Variants in PMM2 observed in about 807,000 individuals in gnomAD.
PMM2 encodes mannose-6-phosphate isomerase.
In PMM2, 35 loss-of-function variants were observed where a neutral mutation model predicts 33.2. The observed-to-expected ratio is 1.06, with a 90% CI of 0.81 to 1.40. PMM2 has a LOEUF of 1.40. PMM2 is among the 40% of genes most tolerant of loss of function. The pLI is 0.00. For missense variants in PMM2, 386 were observed against 306.0 expected, an observed-to-expected ratio of 1.26 and a Z score of -1.95; for synonymous variants, 153 against 114.7, an observed-to-expected ratio of 1.33 and a Z score of -2.13.
chr16:8,814,924 C>T (rs975582396), intron 7 of PMM2, among the ~76,000 whole-genome samples: 1 of 152,166 alleles, frequency 6.6e-6, no homozygotes, highest in African/African-American at 2.4e-5. Flanking sequence ...TCCAACAGAT[C>T]TGTAGAACTT....
intron 7 of PMM2, among the ~76,000 whole-genome samples, chr16:8,835,607 G>C (rs1266298734): frequency 6.6e-6 from 1 of 152,070 alleles, no homozygotes; most frequent in Non-Finnish European, 1.5e-5. Flanking sequence ...AAAACAATTT[G>C]GTTGATAACG....
chr16:8,814,778 G>A (rs1044983180), intron 7 of PMM2, among the ~76,000 whole-genome samples: 4 of 152,178 alleles, frequency 2.6e-5, no homozygotes, highest in African/African-American at 9.7e-5. Context: ...TTTAATCATT[G>A]TGCCTCTTTG....
chr16:8,837,306 G>GT (rs2060856330), intron 7 of PMM2, among the ~76,000 whole-genome samples: 1 of 151,948 alleles, frequency 6.6e-6, no homozygotes, highest in East Asian at 1.9e-4. Context: ...TGAAAGTGCC[G>GT]TTTTCTGGCT....
intron 2 of PMM2, 80 bp downstream of exon 2, chr16:8,801,990 C>A: frequency 1.0e-6 from 1 of 1,001,838 alleles, no homozygotes; most frequent in Non-Finnish European, 1.5e-6. Flanking sequence ...CATAGGCTGC[C>A]CTAAAACCTT....
intron 7 of PMM2, among the ~76,000 whole-genome samples, chr16:8,831,204 C>T (rs1285177088): frequency 6.6e-6 from 1 of 152,224 alleles, no homozygotes; most frequent in Non-Finnish European, 1.5e-5. Context: ...AGCCTGTGCC[C>T]TGGAATGAAC....
rs2060792759 is a variant in PMM2, at chr16:8,828,760, G to T, written c.639+15654G>T. Among the ~76,000 whole-genome samples, 3 of 152,216 alleles carry T rather than the reference G, an allele frequency of 2.0e-5. 1 individual carries two copies. In the South Asian group the frequency reaches 6.2e-4, roughly 31 times the overall value. On this transcript the variant is annotated intron_variant, in intron 7 of 7. Coordinates refer to ENST00000268261, the MANE Select transcript of PMM2 (RefSeq NM_000303.3). ...GGGTCCTATGTCCACATCCTATTCT[G>T]TGGTCCTGCTCTCCATGACAGAGGA...
At chr16:8,830,093 A>T (rs907231475) in intron 7 of PMM2, among the ~76,000 whole-genome samples, 17 of 152,308 alleles carry the variant, frequency 1.1e-4, no homozygotes, top group Non-Finnish European at 1.9e-4. Context: ...TGTTTATTGC[A>T]GTTAAATCCA....
rs746406131 is a variant in PMM2, at chr16:8,811,678, A to C, written c.488A>C (p.Lys163Thr). Reference sequence around the variant, plus strand: ...CAAAAGTTTGTAGCAGATCTACGGAAAGAGTTTGCTGGAAAAGGCCTCACG... The same window carrying C: ...CAAAAGTTTGTAGCAGATCTACGGACAGAGTTTGCTGGAAAAGGCCTCACG... ...IRQKFVADLR[K>T]EFAGKGLTFS... The change falls in exon 6 of 8, where the codon AAA becomes ACA. Residue 163 changes from lysine to threonine, a missense_variant. Transcript: ENST00000268261. 2.7e-5 allele frequency: 44 copies of C among 1,613,506 alleles called. No individual in the cohort carries two copies. Among genetic ancestry groups the C allele is most frequent in the Non-Finnish European group, 3.7e-5 (44 of 1,179,408 alleles).
At chr16:8,828,258 C>G (rs955766130) in intron 7 of PMM2, among the ~76,000 whole-genome samples, 5 of 151,406 alleles carry the variant, frequency 3.3e-5, no homozygotes, top group African/African-American at 4.9e-5. Flanking sequence ...TCTCCCCAAA[C>G]GTAGTTTAGA....
chr16:8,838,965 T>TA (rs1402062877), intron 7 of PMM2, among the ~76,000 whole-genome samples: 1 of 152,008 alleles, frequency 6.6e-6, no homozygotes, highest in East Asian at 1.9e-4. Flanking sequence ...CAACTGCAGC[T>TA]AAAGAGTCAA....
At chr16:8,799,639 C>G (rs1201387771) in intron 1 of PMM2, among the ~76,000 whole-genome samples, 1 of 152,100 alleles carries the variant, frequency 6.6e-6, no homozygotes, top group African/African-American at 2.4e-5. Context: ...CCTCCACCTC[C>G]CAGGTTCAAG....
chr16:8,802,397 C>A, intron 2 of PMM2: 1 of 415,062 alleles, frequency 2.4e-6, no homozygotes, highest in Non-Finnish European at 4.7e-6. Flanking sequence ...TCAGTGAGTA[C>A]CTCTGAGAGA....
intron 1 of PMM2, among the ~76,000 whole-genome samples, chr16:8,799,155 C>G (rs1018001398): frequency 6.6e-6 from 1 of 152,162 alleles, no homozygotes; most frequent in African/African-American, 2.4e-5. Context: ...GCAAAACCAG[C>G]CATAAACCCT....
At chr16:8,804,538 G>C (rs1021052408) in intron 2 of PMM2, among the ~76,000 whole-genome samples, 2 of 151,968 alleles carry the variant, frequency 1.3e-5, no homozygotes, top group Non-Finnish European at 2.9e-5. Context: ...CTGTCACCAA[G>C]TCCCTAATCT....
At position 8,813,090 on chromosome 16, in the gene PMM2, G is replaced by A. The variant is rs398123309; in HGVS notation, c.623G>A (p.Gly208Glu). 1.9e-6 allele frequency: 3 copies of A among 1,597,678 alleles called. No individual in the cohort carries two copies. Among genetic ancestry groups the A allele is most frequent in the Non-Finnish European group, 2.6e-6 (3 of 1,164,982 alleles). ...GGTTATAAGACCATTTATTTCTTTG[G>A]AGACAAAACTATGCCAGTAAGTAGA... The part of the protein sequence containing the change: ...NDGYKTIYFF[G>E]DKTMPGGNDH... The change falls in exon 7 of 8, where the codon GGA becomes GAA. Residue 208 changes from glycine to glutamate, a missense_variant. By Grantham distance (98) the Gly-to-Glu change is moderately conservative. Transcript: ENST00000268261.
chr16:8,829,929 A>G (rs956433412), intron 7 of PMM2, among the ~76,000 whole-genome samples: 4 of 152,218 alleles, frequency 2.6e-5, no homozygotes, highest in South Asian at 2.1e-4. Flanking sequence ...TCTCTGTACA[A>G]TTAGGGCAGA....
intron 7 of PMM2, among the ~76,000 whole-genome samples, chr16:8,839,365 G>C (rs1243062473): frequency 6.6e-6 from 1 of 152,004 alleles, no homozygotes; most frequent in Non-Finnish European, 1.5e-5. Context: ...TGCAAGGGGT[G>C]TCTTGTACCT....
At position 8,845,910 on chromosome 16, in the gene PMM2, C is replaced by T. The variant is rs193046459; in HGVS notation, c.640-1814C>T. ...GGCAGGAGGTTCGCTCGAGCCCAGCCTGGGCAACATAGCAAGACCCTATGT... is the reference window on the plus strand; with the variant it reads ...GGCAGGAGGTTCGCTCGAGCCCAGCTTGGGCAACATAGCAAGACCCTATGT... On this transcript the variant is annotated intron_variant, in intron 7 of 7. Transcript: ENST00000268261. 4.6e-3 allele frequency among the ~76,000 whole-genome samples: 702 copies of T among 152,036 alleles called. 4 individuals carry two copies. The highest frequency in any genetic ancestry group is 8.1e-3 in the Non-Finnish European group (552 of 68,002).
At chr16:8,813,995 T>C (rs1384672960) in intron 7 of PMM2, among the ~76,000 whole-genome samples, 2 of 151,282 alleles carry the variant, frequency 1.3e-5, no homozygotes, top group African/African-American at 2.4e-5. Flanking sequence ...GCCTCCTGAG[T>C]ACCTGATATT....
Sources: allele counts gnomAD v4.1 joint callset (sites outside exome capture counted in the v4.1 genomes callset), GRCh38; gene constraint gnomAD v4.1.1; transcripts MANE v1.5; gene names NCBI Gene and HGNC (gene_info 2026-07-23, HGNC 2026-07-21).